BCAS3: variants seen among roughly 807,000 people sequenced by gnomAD.
BCAS3 encodes the protein BCAS3 microtubule associated cell migration factor, also known as BCAS4/BCAS3 fusion.
In BCAS3, 53 loss-of-function variants were observed where a neutral mutation model predicts 116.1. That is an observed-to-expected ratio of 0.46 (90% CI 0.37 to 0.57). The LOEUF is 0.57. Ranked by LOEUF, BCAS3 falls within the 20% of genes least tolerant of loss-of-function variation. BCAS3 has a pLI of 0.00. For synonymous variants in BCAS3, 391 were observed against 408.2 expected (o/e 0.96, Z 0.51); for missense variants, 917 against 1,165.4 (o/e 0.79, Z 3.10).
chr17:60,681,932 G>T (rs1363950804), intron 2 of BCAS3, among the ~76,000 whole-genome samples: 1 of 151,924 alleles, frequency 6.6e-6, no homozygotes, highest in Non-Finnish European at 1.5e-5. Flanking sequence ...GTTTCTCCAT[G>T]TTGTCCAGGT....
chr17:60,958,356 A>T (rs1330010853), intron 14 of BCAS3, among the ~76,000 whole-genome samples: 1 of 152,224 alleles, frequency 6.6e-6, no homozygotes, highest in African/African-American at 2.4e-5. Flanking sequence ...ATTTTATTTT[A>T]TTTTTAAAAA....
intron 22 of BCAS3, among the ~76,000 whole-genome samples, chr17:61,231,869 CA>C (rs72247548): frequency 5.8e-4 from 58 of 100,424 alleles, no homozygotes; most frequent in African/African-American, 9.6e-4. Flanking sequence ...GACCCTGTCT[CA>C]AAAAAAAAAA....
At chr17:60,678,486 C>A (rs2032382223) in intron 1 of BCAS3, among the ~76,000 whole-genome samples, 2 of 152,144 alleles carry the variant, frequency 1.3e-5, no homozygotes, top group African/African-American at 4.8e-5. Flanking sequence ...CTTAACCAAG[C>A]CGACTCCATG....
chr17:61,237,451 G>A (rs977316646), intron 22 of BCAS3, among the ~76,000 whole-genome samples: 12 of 152,196 alleles, frequency 7.9e-5, no homozygotes, highest in Admixed American at 3.3e-4. Context: ...GGCCATCCCC[G>A]CCAGCAGCGG....
chr17:61,320,280 T>A (rs955555189), intron 22 of BCAS3, among the ~76,000 whole-genome samples: 11 of 152,164 alleles, frequency 7.2e-5, no homozygotes, highest in African/African-American at 2.4e-5. Context: ...CAGTTTTTCC[T>A]TCTGCATCAG....
At position 61,097,235 on chromosome 17, in the gene BCAS3, G is replaced by A. The variant is rs1430915117; in HGVS notation, c.2425+12671G>A. 2.0e-5 allele frequency among the ~76,000 whole-genome samples: 3 copies of A among 152,112 alleles called. No individual in the cohort carries two copies. In the East Asian group the frequency reaches 5.8e-4, roughly 29 times the overall value. Reference sequence around the variant, plus strand: ...GCTCTGTCACCCAGGCTGGAGTGCAGTGGCGCAATCTCGGCTCACTGCAAG... The same window carrying A: ...GCTCTGTCACCCAGGCTGGAGTGCAATGGCGCAATCTCGGCTCACTGCAAG... On this transcript the variant is annotated intron_variant, in intron 22 of 23. Coordinates refer to ENST00000407086, the MANE Select transcript of BCAS3 (RefSeq NM_017679.5). The surrounding 1 kb of genome is among the most constrained non-coding windows in gnomAD (Gnocchi z 4.0).
At chr17:60,767,242 C>T (rs1598568501) in intron 6 of BCAS3, among the ~76,000 whole-genome samples, 1 of 152,022 alleles carries the variant, frequency 6.6e-6, no homozygotes, top group East Asian at 1.9e-4. Flanking sequence ...CCAGGTACCT[C>T]AGTTGGAAAT....
chr17:60,730,019 T>G (rs1165249912), intron 5 of BCAS3, among the ~76,000 whole-genome samples: 4 of 152,216 alleles, frequency 2.6e-5, no homozygotes, highest in Non-Finnish European at 5.9e-5. Context: ...AAGTGTTAGT[T>G]GCAAATGGAA....
intron 16 of BCAS3, among the ~76,000 whole-genome samples, chr17:61,022,091 G>A (rs2065911906): frequency 1.3e-5 from 2 of 152,154 alleles, no homozygotes; most frequent in Admixed American, 6.5e-5. Context: ...ATTGGAATAT[G>A]TATGGATGTG....
At chr17:60,980,447 C>T (rs1306492754) in intron 14 of BCAS3, 1 of 151,642 alleles carries the variant, frequency 6.6e-6, no homozygotes, top group South Asian at 2.1e-4. Flanking sequence ...AAATATTTGT[C>T]CCAGTCCTTT....
intron 6 of BCAS3, 23 bp from the exon 7 acceptor site, chr17:60,807,981 A>G: frequency 2.6e-6 from 4 of 1,533,436 alleles, no homozygotes; most frequent in East Asian, 4.5e-5. Context: ...AAAGCTTACA[A>G]TTTATTTTAT....
chr17:61,339,759 C>T lies in BCAS3; in HGVS notation c.2426-28568C>T, dbSNP rs1047906122. ...CCAGTCGGGGCGACAAAGCGAGACC[C>T]CATCTAAAAAAAAAAAAAAAAGACC... On this transcript the variant is annotated intron_variant, in intron 22 of 23. Transcript: ENST00000407086. This position sits in a 1 kb window ranked among gnomAD's most constrained non-coding sequence, Gnocchi z 4.4. Among the ~76,000 whole-genome samples, 8 of 150,502 alleles carry T rather than the reference C, an allele frequency of 5.3e-5. No homozygotes were observed. Among genetic ancestry groups the T allele is most frequent in the African/African-American group, 2.0e-4 (8 of 40,976 alleles).
At chr17:60,966,272 A>G (rs780077672) in intron 14 of BCAS3, among the ~76,000 whole-genome samples, 4 of 152,156 alleles carry the variant, frequency 2.6e-5, no homozygotes, top group Non-Finnish European at 5.9e-5. Flanking sequence ...TTGTTTCTTT[A>G]TCCATTCAGC....
chr17:60,679,163 T>G (rs939231621), intron 1 of BCAS3, among the ~76,000 whole-genome samples: 1 of 152,176 alleles, frequency 6.6e-6, no homozygotes, highest in Non-Finnish European at 1.5e-5. Context: ...AGGCGGAGAT[T>G]GCCATGAGCA....
intron 12 of BCAS3, among the ~76,000 whole-genome samples, chr17:60,911,348 G>A (rs1032046398): frequency 1.3e-5 from 2 of 151,956 alleles, no homozygotes; most frequent in Non-Finnish European, 2.9e-5. Flanking sequence ...GCCCAAGCTA[G>A]AGTGCAGTGG....
intron 4 of BCAS3, among the ~76,000 whole-genome samples, chr17:60,702,292 G>A (rs1469222331): frequency 6.6e-6 from 1 of 152,188 alleles, no homozygotes; most frequent in Admixed American, 6.5e-5. Flanking sequence ...CATCTCTGGT[G>A]AGCAGTTTAT....
intron 10 of BCAS3, among the ~76,000 whole-genome samples, chr17:60,893,106 GT>G (rs928133478): frequency 7.3e-5 from 11 of 151,672 alleles, no homozygotes; most frequent in Admixed American, 2.0e-4. Flanking sequence ...ATTGGAGTTT[GT>G]TTTTTTCTTG....
chr17:61,011,686 G>C (rs1253919515), intron 15 of BCAS3, among the ~76,000 whole-genome samples: 1 of 152,050 alleles, frequency 6.6e-6, no homozygotes, highest in Non-Finnish European at 1.5e-5. Context: ...AGTATAGGCA[G>C]CCTGGTGGAG....
chr17:60,973,679 A>C (rs2062116186), intron 14 of BCAS3, among the ~76,000 whole-genome samples: 2 of 149,960 alleles, frequency 1.3e-5, no homozygotes, highest in Non-Finnish European at 3.0e-5. Flanking sequence ...TGCAACCTCC[A>C]CCTCCCAGGT....
Sources: allele counts gnomAD v4.1 joint callset (sites outside exome capture counted in the v4.1 genomes callset), GRCh38; gene constraint gnomAD v4.1.1; non-coding constraint Gnocchi (gnomAD v3.1); transcripts MANE v1.5; gene names NCBI Gene and HGNC (gene_info 2026-07-23, HGNC 2026-07-21).